RBFOX1: variants seen among roughly 807,000 people sequenced by gnomAD.
RBFOX1 encodes the protein RNA binding fox-1 homolog 1.
A neutral mutation model predicts 57.7 loss-of-function variants in RBFOX1; 8 were observed. The observed-to-expected ratio is 0.14, with a 90% confidence interval of 0.08 to 0.25. The LOEUF (loss-of-function observed/expected upper bound fraction) is 0.25, where lower values mean the gene tolerates loss of function less well. Among genes scored for constraint, RBFOX1 ranks in the 10% least tolerant of loss-of-function variants. The probability of loss-of-function intolerance (pLI) is 1.00; values close to 1 mark genes in which losing one functional copy is unlikely to be tolerated. For missense variants in RBFOX1, 611 were observed against 548.5 expected, an observed-to-expected ratio of 1.11 and a Z score of -1.14; for synonymous variants, 326 against 222.4, an observed-to-expected ratio of 1.47 and a Z score of -4.15.
chr16:6,689,607 A>G (rs910315053), intron 3 of RBFOX1, among the ~76,000 whole-genome samples: 3 of 152,138 alleles, frequency 2.0e-5, no homozygotes, highest in Non-Finnish European at 4.4e-5. Context: ...ACAATATCAA[A>G]GGGTTTCTGT....
intron 3 of RBFOX1, among the ~76,000 whole-genome samples, chr16:6,985,091 C>G (rs777821155): frequency 6.6e-6 from 1 of 151,972 alleles, no homozygotes; most frequent in Admixed American, 6.6e-5. Flanking sequence ...CTGGAATTTC[C>G]TCTCCCCTCT....
chr16:5,852,017 G>C (rs2056909374), intron 3 of RBFOX1, among the ~76,000 whole-genome samples: 1 of 152,066 alleles, frequency 6.6e-6, no homozygotes, highest in Non-Finnish European at 1.5e-5. Context: ...TAAAATCGGG[G>C]ACAATGAGAG....
chr16:6,411,749 A>T (rs2093464444), intron 2 of RBFOX1, among the ~76,000 whole-genome samples: 1 of 152,236 alleles, frequency 6.6e-6, no homozygotes. Context: ...TACTTTGCAT[A>T]AAATGAACAA....
intron 2 of RBFOX1, among the ~76,000 whole-genome samples, chr16:6,443,780 A>G (rs959042679): frequency 6.6e-6 from 1 of 151,912 alleles, no homozygotes; most frequent in East Asian, 1.9e-4. Context: ...TCTACCCACA[A>G]TCTACCTGCC....
chr16:5,606,673 A>G (rs987206601), intron 3 of RBFOX1, among the ~76,000 whole-genome samples: 10 of 152,074 alleles, frequency 6.6e-5, no homozygotes, highest in African/African-American at 2.2e-4. Context: ...CTGAGGCACA[A>G]TCTGATTGCT....
chr16:7,560,805 T>G (rs899777256), intron 5 of RBFOX1, among the ~76,000 whole-genome samples: 4 of 152,224 alleles, frequency 2.6e-5, no homozygotes, highest in African/African-American at 9.6e-5. Flanking sequence ...TTCTTCATTT[T>G]AAGAGTTTGG....
intron 2 of RBFOX1, among the ~76,000 whole-genome samples, chr16:6,387,795 C>A (rs2092377768): frequency 6.6e-6 from 1 of 151,944 alleles, no homozygotes; most frequent in Non-Finnish European, 1.5e-5. Context: ...CTCTGGTGAT[C>A]ATTCCTCCCC....
intron 4 of RBFOX1, among the ~76,000 whole-genome samples, chr16:7,227,566 A>C (rs1345558231): frequency 6.6e-6 from 1 of 152,194 alleles, no homozygotes; most frequent in African/African-American, 2.4e-5. Context: ...TCGGAGTCCG[A>C]AAGCATTGAC....
chr16:7,689,750 A>G (rs1394228817), intron 14 of RBFOX1, among the ~76,000 whole-genome samples: 1 of 152,090 alleles, frequency 6.6e-6, no homozygotes, highest in African/African-American at 2.4e-5. Context: ...GATGATCTTG[A>G]GTAAATGCAT....
In RBFOX1 at chr16:7,110,715, A is replaced by G. The variant is rs376250281; in HGVS notation, c.27+58617A>G. 4.7e-4 allele frequency among the ~76,000 whole-genome samples: 71 copies of G among 152,322 alleles called. 2 individuals carry two copies. The South Asian group carries it at 0.015, about 31-fold the overall frequency. ...GTCAACAAAATACAGCCTGGCATTAATAGCCTAAAAACAAGATTTTTGAGT... is the reference window on the plus strand; with the variant it reads ...GTCAACAAAATACAGCCTGGCATTAGTAGCCTAAAAACAAGATTTTTGAGT... On this transcript the variant is annotated intron_variant, in intron 4 of 15. Transcript: ENST00000550418.
intron 3 of RBFOX1, among the ~76,000 whole-genome samples, chr16:6,789,929 T>A: frequency 6.6e-6 from 1 of 151,914 alleles, no homozygotes; most frequent in Non-Finnish European, 1.5e-5. Context: ...AGATCTATAA[T>A]TATTCTCTTC....
chr16:7,177,486 A>C (rs1047344034), intron 4 of RBFOX1, among the ~76,000 whole-genome samples: 11 of 132,966 alleles, frequency 8.3e-5, no homozygotes, highest in African/African-American at 4.0e-4. Flanking sequence ...AGTATGTATC[A>C]ATAAAAAAAA....
At chr16:5,710,699 C>G (rs867461055) in intron 3 of RBFOX1, among the ~76,000 whole-genome samples, 4 of 152,174 alleles carry the variant, frequency 2.6e-5, no homozygotes, top group African/African-American at 4.8e-5. Flanking sequence ...GACATTGTCT[C>G]AGACATGATC....
rs534098955 is a variant in RBFOX1, at chr16:7,170,754, C to G, written c.27+118656C>G. On this transcript the variant is annotated intron_variant, in intron 4 of 15. Coordinates refer to ENST00000550418, the MANE Select transcript of RBFOX1 (RefSeq NM_018723.4). ...CCATACACCTTGGTTGAATGAATGT[C>G]TTCATGAGCAGCTACAGTCTTAGGG... Among the ~76,000 whole-genome samples, 37 of 152,104 alleles carry G rather than the reference C, an allele frequency of 2.4e-4. 1 individual carries two copies. Among genetic ancestry groups the G allele is most frequent in the Admixed American group, 1.6e-3 (25 of 15,276 alleles).
chr16:7,076,830 G>A (rs959362946), intron 4 of RBFOX1, among the ~76,000 whole-genome samples: 1 of 152,166 alleles, frequency 6.6e-6, no homozygotes, highest in Non-Finnish European at 1.5e-5. Flanking sequence ...GAGCCCTGGG[G>A]ATAATGACAC....
chr16:7,450,745 C>A (rs1352552241), intron 4 of RBFOX1, among the ~76,000 whole-genome samples: 2 of 152,202 alleles, frequency 1.3e-5, no homozygotes, highest in African/African-American at 4.8e-5. Context: ...CTTCAGGTTG[C>A]TGAGTGGGTG....
intron 5 of RBFOX1, among the ~76,000 whole-genome samples, chr16:7,553,655 C>T (rs1267231358): frequency 6.6e-6 from 1 of 152,150 alleles, no homozygotes; most frequent in Non-Finnish European, 1.5e-5. Flanking sequence ...TTTCAGAAGG[C>T]ACTGCTCAGC....
At chr16:7,073,076 G>T (rs1389672557) in intron 4 of RBFOX1, among the ~76,000 whole-genome samples, 1 of 152,134 alleles carries the variant, frequency 6.6e-6, no homozygotes, top group Non-Finnish European at 1.5e-5. Flanking sequence ...CAGGTTGTAG[G>T]TATTCAGTTG....
At chr16:6,321,908 A>G (rs1018695151) in intron 2 of RBFOX1, among the ~76,000 whole-genome samples, 2 of 152,210 alleles carry the variant, frequency 1.3e-5, no homozygotes, top group Non-Finnish European at 2.9e-5. Flanking sequence ...TTCTAATGCC[A>G]TATGCAGCAC....
Sources: gnomAD v4.1 joint callset for allele counts (sites outside exome capture counted in the v4.1 genomes callset) on GRCh38, gnomAD v4.1.1 for gene constraint, MANE v1.5 for transcripts, NCBI Gene and HGNC (gene_info 2026-07-23, HGNC 2026-07-21) for gene names.